FRMPD3: variants seen among roughly 807,000 people sequenced by gnomAD.
FRMPD3 encodes FERM and PDZ domain-containing protein 3.
FRMPD3 carries 42 observed loss-of-function variants against 97.9 expected under a neutral mutation model. That is an observed-to-expected ratio of 0.43 (90% CI 0.34 to 0.55). The LOEUF is 0.55. Ranked by LOEUF, FRMPD3 falls within the 20% of genes least tolerant of loss-of-function variation. The pLI is 0.03. For missense variants in FRMPD3, 1,303 were observed against 1,457.7 expected, an observed-to-expected ratio of 0.89 and a Z score of 1.73; for synonymous variants, 577 against 581.1, an observed-to-expected ratio of 0.99 and a Z score of 0.10.
At chrX:107,534,401 A>G (rs946467753) in intron 4 of FRMPD3, among the ~76,000 whole-genome samples, 1 of 110,597 alleles carries the variant, frequency 9.0e-6, no homozygotes, top group African/African-American at 3.3e-5. Context: ...TACCCTCAAT[A>G]TATAGCCACA....
intron 10 of FRMPD3, among the ~76,000 whole-genome samples, chrX:107,561,327 C>T (rs1362539420): frequency 3.6e-5 from 4 of 110,373 alleles, no homozygotes; most frequent in African/African-American, 1.3e-4. Flanking sequence ...AGTGAGACAG[C>T]GTCTTTACTT....
At chrX:107,525,457 A>G in intron 1 of FRMPD3, 1 of 476,478 alleles carries the variant, frequency 2.1e-6, no homozygotes, top group Non-Finnish European at 3.7e-6. Flanking sequence ...CTGGCCCTTG[A>G]TGGAGAACAT....
chrX:107,501,119 A>T (rs1367376311), intron 1 of FRMPD3, among the ~76,000 whole-genome samples: 4 of 110,134 alleles, frequency 3.6e-5, no homozygotes, highest in Admixed American at 9.8e-5. Flanking sequence ...GCATATGGGG[A>T]GAGAGATGTG....
At chrX:107,507,515 C>G (rs1436244566) in intron 1 of FRMPD3, among the ~76,000 whole-genome samples, 1 of 111,453 alleles carries the variant, frequency 9.0e-6, no homozygotes, top group African/African-American at 3.3e-5. Flanking sequence ...TCCGGGACTT[C>G]TAGCTGCCTC....
chrX:107,482,880 T>A (rs1321508752), intron 1 of FRMPD3, among the ~76,000 whole-genome samples: 1 of 110,996 alleles, frequency 9.0e-6, no homozygotes, highest in Non-Finnish European at 1.9e-5. Context: ...AAACAGAAAG[T>A]TGCAAAGTTG....
intron 10 of FRMPD3, among the ~76,000 whole-genome samples, chrX:107,561,991 A>G (rs1285406860): frequency 8.9e-6 from 1 of 112,270 alleles, no homozygotes. Flanking sequence ...TGCATTAGGC[A>G]CAGGTGCTCT....
At chrX:107,552,973 G>A (rs1345441163) in intron 7 of FRMPD3, 47 bp downstream of exon 7, 1 of 1,157,827 alleles carries the variant, frequency 8.6e-7, no homozygotes, top group Non-Finnish European at 1.2e-6. Flanking sequence ...GCCTCTAGTA[G>A]AGAAGACCCA....
At position 107,467,453 on chromosome X, in the gene FRMPD3, C is replaced by T. The variant is rs186986201; in HGVS notation, c.-8+17448C>T. 3.3e-3 allele frequency among the ~76,000 whole-genome samples: 361 copies of T among 111,003 alleles called. 1 individual carries two copies. The highest frequency in any genetic ancestry group is 5.2e-3 in the Non-Finnish European group (274 of 52,931). ...ACTATAGATAAGTAGTCCCTTGCTACTTATAGGGGACTTCCTTTCCCCTCA... is the reference window on the plus strand; with the variant it reads ...ACTATAGATAAGTAGTCCCTTGCTATTTATAGGGGACTTCCTTTCCCCTCA... On this transcript the variant is annotated intron_variant, in intron 1 of 14. Transcript: ENST00000683843.
At chrX:107,527,199 A>G (rs1260225442) in intron 2 of FRMPD3, among the ~76,000 whole-genome samples, 1 of 112,271 alleles carries the variant, frequency 8.9e-6, no homozygotes, top group Non-Finnish European at 1.9e-5. Flanking sequence ...CAGGTCAGCC[A>G]TTGAAGACCA....
intron 1 of FRMPD3, among the ~76,000 whole-genome samples, chrX:107,455,457 G>A (rs1931359070): frequency 9.0e-6 from 1 of 111,636 alleles, no homozygotes; most frequent in South Asian, 3.8e-4. Context: ...CGGGACTACA[G>A]AGAGGCTGAG....
intron 1 of FRMPD3, among the ~76,000 whole-genome samples, chrX:107,489,941 G>A (rs1439674140): frequency 1.8e-5 from 2 of 111,744 alleles, no homozygotes; most frequent in South Asian, 7.6e-4. Context: ...GTATTGCCTA[G>A]GTTTTCTTCT....
At chrX:107,539,652 G>A (rs1602790047) in intron 4 of FRMPD3, among the ~76,000 whole-genome samples, 1 of 111,069 alleles carries the variant, frequency 9.0e-6, no homozygotes, top group African/African-American at 3.3e-5. Context: ...GCTTCCTGAC[G>A]TATAGTGTTT....
intron 1 of FRMPD3, among the ~76,000 whole-genome samples, chrX:107,466,472 G>T (rs1307067564): frequency 1.3e-4 from 15 of 112,253 alleles, no homozygotes; most frequent in African/African-American, 4.9e-4. Flanking sequence ...CTCAGCTGGG[G>T]GCTTTCCTCT....
At chrX:107,506,943 G>A (rs1285277851) in intron 1 of FRMPD3, among the ~76,000 whole-genome samples, 3 of 111,816 alleles carry the variant, frequency 2.7e-5, no homozygotes, top group Admixed American at 9.3e-5. Flanking sequence ...GGCAGCGCGA[G>A]AGGGAGGCAA....
At chrX:107,564,681 C>T (rs1267959531) in intron 11 of FRMPD3, among the ~76,000 whole-genome samples, 1 of 112,332 alleles carries the variant, frequency 8.9e-6, no homozygotes, top group Non-Finnish European at 1.9e-5. Flanking sequence ...CATTTGGACC[C>T]ATAATCTGGG....
rs560730425 is a variant in FRMPD3 at position 107,529,681 on chromosome X, C to T, written c.149-728C>T. Reference sequence around the variant, plus strand: ...TGCTTTGTTCCCCTCATTTATTGGACAGTGGCATTTCTCAGTGTAGAAAAA... The same window carrying T: ...TGCTTTGTTCCCCTCATTTATTGGATAGTGGCATTTCTCAGTGTAGAAAAA... On this transcript the variant is annotated intron_variant, in intron 2 of 14. Transcript: ENST00000683843. Among the ~76,000 whole-genome samples, 3 of 112,067 alleles carry T rather than the reference C, an allele frequency of 2.7e-5. No individual in the cohort carries two copies. The South Asian group carries it at 1.1e-3, about 42-fold the overall frequency.
At chrX:107,464,135 C>T (rs1458743861) in intron 1 of FRMPD3, among the ~76,000 whole-genome samples, 1 of 111,242 alleles carries the variant, frequency 9.0e-6, no homozygotes, top group Non-Finnish European at 1.9e-5. Context: ...CCACTCTCCC[C>T]CTCAAATTTT....
At chrX:107,577,661 AC>A (rs1923191361) in intron 13 of FRMPD3, among the ~76,000 whole-genome samples, 1 of 110,025 alleles carries the variant, frequency 9.1e-6, no homozygotes, top group Non-Finnish European at 1.9e-5. Flanking sequence ...AAACAAACAA[AC>A]AAACAAACAG....
intron 10 of FRMPD3, among the ~76,000 whole-genome samples, chrX:107,561,549 G>T: frequency 9.0e-6 from 1 of 110,521 alleles, no homozygotes; most frequent in Non-Finnish European, 1.9e-5. Flanking sequence ...TGCTCTGAGG[G>T]ACTCCCACTG....
Sources: allele counts gnomAD v4.1 joint callset (sites outside exome capture counted in the v4.1 genomes callset), GRCh38; gene constraint gnomAD v4.1.1; transcripts MANE v1.5; gene names NCBI Gene and HGNC (gene_info 2026-07-23, HGNC 2026-07-21).